Variants in SETBP1 observed in about 807,000 individuals in gnomAD.
The protein encoded by SETBP1 is SET binding protein 1.
Under a neutral mutation model 101.0 loss-of-function variants are expected in SETBP1, and 9 were observed. That is an observed-to-expected ratio of 0.09 (90% CI 0.05 to 0.16). SETBP1 has a LOEUF of 0.16. Ranked by LOEUF, SETBP1 falls within the 10% of genes least tolerant of loss-of-function variation. The probability of loss-of-function intolerance (pLI) is 1.00; values close to 1 mark genes in which losing one functional copy is unlikely to be tolerated. For synonymous variants in SETBP1, 818 were observed against 788.5 expected, an observed-to-expected ratio of 1.04 and a Z score of -0.63; for missense variants, 1,858 against 2,033.8, an observed-to-expected ratio of 0.91 and a Z score of 1.66.
chr18:45,039,963 G>T (rs1019132137), intron 5 of SETBP1, among the ~76,000 whole-genome samples: 2 of 152,182 alleles, frequency 1.3e-5, no homozygotes, highest in African/African-American at 4.8e-5. Context: ...AAAAGCTGCT[G>T]CCTTACCCCT....
intron 4 of SETBP1, among the ~76,000 whole-genome samples, chr18:45,028,760 A>G (rs2073226006): frequency 1.3e-5 from 2 of 152,330 alleles, no homozygotes; most frequent in Admixed American, 1.3e-4. Flanking sequence ...TCTAATGGCC[A>G]GTGATGGTGA....
intron 2 of SETBP1, among the ~76,000 whole-genome samples, chr18:44,818,740 GACAC>G (rs1369269297): frequency 7.2e-4 from 88 of 122,848 alleles, no homozygotes; most frequent in African/African-American, 2.5e-3. Context: ...GAAAAGAAAA[GACAC>G]GCACACACTC....
intron 3 of SETBP1, among the ~76,000 whole-genome samples, chr18:44,940,352 A>G (rs2071059346): frequency 6.6e-6 from 1 of 151,852 alleles, no homozygotes. Context: ...GCAGTATATT[A>G]TTTTTGGTAT....
chr18:44,953,387 C>T (rs771668227), intron 4 of SETBP1, 47 bp downstream of exon 4: 1 of 1,531,572 alleles, frequency 6.5e-7, no homozygotes, highest in Non-Finnish European at 9.0e-7. Flanking sequence ...TATTTCATTG[C>T]TGGGCTTTGC....
chr18:44,748,904 G>A (rs1466908264), intron 2 of SETBP1, among the ~76,000 whole-genome samples: 3 of 152,180 alleles, frequency 2.0e-5, no homozygotes, highest in African/African-American at 4.8e-5. Context: ...GGTGAAGAGA[G>A]GTGGTAAGCA....
chr18:44,866,688 C>T (rs571023511), intron 2 of SETBP1, among the ~76,000 whole-genome samples: 10 of 152,164 alleles, frequency 6.6e-5, no homozygotes, highest in Non-Finnish European at 1.3e-4. Flanking sequence ...TGTTGGTGGG[C>T]GTGTTCCTGC....
intron 4 of SETBP1, among the ~76,000 whole-genome samples, chr18:44,963,030 G>C (rs1415116860): frequency 6.6e-6 from 1 of 152,154 alleles, no homozygotes; most frequent in Non-Finnish European, 1.5e-5. Context: ...CTGCAGATAG[G>C]TGTTGCTTTT....
intron 3 of SETBP1, among the ~76,000 whole-genome samples, chr18:44,932,090 T>C (rs1181489051): frequency 6.6e-6 from 1 of 152,228 alleles, no homozygotes; most frequent in Non-Finnish European, 1.5e-5. Flanking sequence ...GTTGTTCCTT[T>C]CCATGTTTAG....
At position 45,023,317 on chromosome 18, in the gene SETBP1, T is replaced by C. The variant is rs2073105064; in HGVS notation, c.4001-15168T>C. Among the ~76,000 whole-genome samples the C allele has an allele frequency of 1.3e-5, 2 of 152,208 alleles. 1 individual carries two copies. The highest frequency in any genetic ancestry group is 4.1e-4 in the South Asian group (2 of 4,836). On this transcript the variant is annotated intron_variant, in intron 4 of 5. Transcript: ENST00000649279. The stretch of plus-strand genomic sequence containing the variant: ...GTCCCAGGTACAATGGAAGGTAATA[T>C]GGGTGATCTTTTCGGCTCAGGGGAG...
chr18:44,869,689 T>C (rs1336369471), intron 3 of SETBP1: 3 of 306,252 alleles, frequency 9.8e-6, no homozygotes, highest in African/African-American at 6.5e-5. Flanking sequence ...TGCCTCCTAG[T>C]CAAGGCCTGA....
chr18:44,995,135 CTTTTTTT>C (rs58617770), intron 4 of SETBP1, among the ~76,000 whole-genome samples: 7 of 95,030 alleles, frequency 7.4e-5, no homozygotes, highest in South Asian at 7.0e-4. Context: ...ATGTTATTTA[CTTTTTTT>C]TTTTTTTTTT....
chr18:44,944,764 A>G (rs1235138390), intron 3 of SETBP1, among the ~76,000 whole-genome samples: 1 of 152,164 alleles, frequency 6.6e-6, no homozygotes, highest in East Asian at 1.9e-4. Flanking sequence ...ATCTTCCACA[A>G]AGTCAGGCTT....
At chr18:44,781,446 C>CCT (rs1428065599) in intron 2 of SETBP1, among the ~76,000 whole-genome samples, 28 of 149,550 alleles carry the variant, frequency 1.9e-4, no homozygotes, top group African/African-American at 6.8e-4. Context: ...CTTCTTTGCA[C>CCT]CGCTCTCTCT....
chr18:44,817,607 C>T (rs1485727547), intron 2 of SETBP1, among the ~76,000 whole-genome samples: 1 of 151,636 alleles, frequency 6.6e-6, no homozygotes, highest in African/African-American at 2.4e-5. Context: ...ATCTCTTGAA[C>T]CCGGGAGGCA....
chr18:44,998,314 CT>C (rs752373587), intron 4 of SETBP1, among the ~76,000 whole-genome samples: 9 of 152,232 alleles, frequency 5.9e-5, no homozygotes, highest in Non-Finnish European at 1.2e-4. Context: ...CGGGGTATCT[CT>C]CCTCACACCA....
intron 2 of SETBP1, among the ~76,000 whole-genome samples, chr18:44,859,296 A>G (rs922649191): frequency 5.9e-5 from 9 of 152,168 alleles, no homozygotes; most frequent in African/African-American, 2.2e-4. Context: ...GTGGGGCTGC[A>G]TGGGGCTAAT....
intron 3 of SETBP1, among the ~76,000 whole-genome samples, chr18:44,937,595 C>T (rs1014119057): frequency 7.2e-5 from 11 of 152,216 alleles, no homozygotes; most frequent in African/African-American, 2.7e-4. Flanking sequence ...CTGAGCCTCC[C>T]CACCACACTG....
At chr18:45,045,291 G>A (rs994752614) in intron 5 of SETBP1, among the ~76,000 whole-genome samples, 3 of 152,072 alleles carry the variant, frequency 2.0e-5, no homozygotes, top group Non-Finnish European at 2.9e-5. Context: ...GCATAGTGGC[G>A]GGCACCTATA....
intron 2 of SETBP1, among the ~76,000 whole-genome samples, chr18:44,814,002 T>C (rs2071919828): frequency 6.6e-6 from 1 of 152,064 alleles, no homozygotes; most frequent in African/African-American, 2.4e-5. Context: ...CTGGAAATAA[T>C]GATAAATAAA....
Sources: allele counts gnomAD v4.1 joint callset (sites outside exome capture counted in the v4.1 genomes callset), GRCh38; gene constraint gnomAD v4.1.1; transcripts MANE v1.5; gene names NCBI Gene and HGNC (gene_info 2026-07-23, HGNC 2026-07-21).